Variants in PAPPA2 observed in about 807,000 individuals in gnomAD.
PAPPA2 encodes the protein pappalysin 2, also known as pappalysin-2.
A neutral mutation model predicts 176.4 loss-of-function variants in PAPPA2; 86 were observed. The observed-to-expected ratio is 0.49, with a 90% CI of 0.41 to 0.58. The LOEUF (loss-of-function observed/expected upper bound fraction) is 0.58. Among genes scored for constraint, PAPPA2 ranks in the 20% least tolerant of loss-of-function variants. The probability of loss-of-function intolerance (pLI) is 0.00; values close to 1 mark genes in which losing one functional copy is unlikely to be tolerated. For missense variants in PAPPA2, 2,073 were observed against 2,256.9 expected (o/e 0.92, Z 1.65); for synonymous variants, 809 against 852.2 (o/e 0.95, Z 0.88).
intron 21 of PAPPA2, among the ~76,000 whole-genome samples, chr1:176,806,170 AG>A (rs1442911692): frequency 2.0e-5 from 3 of 152,146 alleles, no homozygotes; most frequent in Non-Finnish European, 4.4e-5. Context: ...TCTGAGCCTG[AG>A]CTGCCATTTC....
intron 1 of PAPPA2, among the ~76,000 whole-genome samples, chr1:176,544,521 G>C (rs1036858487): frequency 1.3e-5 from 2 of 152,154 alleles, no homozygotes; most frequent in Non-Finnish European, 2.9e-5. Flanking sequence ...AATCCCGACT[G>C]TTTTTCTTTA....
intron 4 of PAPPA2, among the ~76,000 whole-genome samples, chr1:176,689,681 T>C (rs1660011760): frequency 6.6e-6 from 1 of 152,166 alleles, no homozygotes; most frequent in Non-Finnish European, 1.5e-5. Context: ...TTAGATCAGA[T>C]TTCCTTGACT....
chr1:176,484,274 C>A (rs1037177404), intron 1 of PAPPA2, among the ~76,000 whole-genome samples: 19 of 152,156 alleles, frequency 1.2e-4, no homozygotes, highest in Non-Finnish European at 1.5e-5. Flanking sequence ...CAGGACTTTT[C>A]TTTGCCTTTG....
At chr1:176,675,885 A>G (rs1409431862) in intron 4 of PAPPA2, among the ~76,000 whole-genome samples, 1 of 151,722 alleles carries the variant, frequency 6.6e-6, no homozygotes, top group Non-Finnish European at 1.5e-5. Flanking sequence ...TCAACAGTAA[A>G]ACAAACAAAA....
At chr1:176,502,124 A>C (rs1414109976) in intron 1 of PAPPA2, among the ~76,000 whole-genome samples, 1 of 152,198 alleles carries the variant, frequency 6.6e-6, no homozygotes, top group Non-Finnish European at 1.5e-5. Flanking sequence ...CAAATCTTGC[A>C]AGTTTTGTCA....
chr1:176,542,228 AT>A (rs1650401502), intron 1 of PAPPA2, among the ~76,000 whole-genome samples: 1 of 152,274 alleles, frequency 6.6e-6, no homozygotes, highest in East Asian at 1.9e-4. Flanking sequence ...TAAAAATGGG[AT>A]TTCTGAGACT....
rs555210291 is a variant in PAPPA2 at position 176,759,853 on chromosome 1, T to C, written c.4152-5813T>C. 9.2e-5 allele frequency among the ~76,000 whole-genome samples: 14 copies of C among 152,306 alleles called. 1 individual carries two copies. Among genetic ancestry groups the C allele is most frequent in the South Asian group, 8.3e-4 (4 of 4,824 alleles). ...ACCTTACCCTGTTCCTCACTAACCA[T>C]TGAAAGATGCAGGAAGACTTTGGGA... On this transcript the variant is annotated intron_variant, in intron 14 of 22. Transcript: ENST00000367662.
intron 3 of PAPPA2, among the ~76,000 whole-genome samples, chr1:176,666,611 G>GAA (rs1400850703): frequency 1.4e-5 from 2 of 145,706 alleles, no homozygotes; most frequent in African/African-American, 5.2e-5. Context: ...GTGTGTGTGA[G>GAA]AGAGAGAGAG....
intron 12 of PAPPA2, among the ~76,000 whole-genome samples, chr1:176,737,178 G>A (rs369880075): frequency 1.3e-5 from 2 of 151,562 alleles, no homozygotes; most frequent in South Asian, 2.1e-4. Context: ...TCAAGCTGTC[G>A]GTAACATCTC....
chr1:176,493,516 C>T (rs1381059610), intron 1 of PAPPA2, among the ~76,000 whole-genome samples: 6 of 152,134 alleles, frequency 3.9e-5, no homozygotes, highest in South Asian at 2.1e-4. Flanking sequence ...ACAGACCTCA[C>T]CCCCAGTCAC....
rs148548264 is a variant in PAPPA2 at position 176,556,181 on chromosome 1, T to C, written c.-142T>C. ...CCAGCAGAGGCATTCTTGGGGCTATTTGAAAAAGTTTGGTCTGTGAACAAA... is the reference window on the plus strand; with the variant it reads ...CCAGCAGAGGCATTCTTGGGGCTATCTGAAAAAGTTTGGTCTGTGAACAAA... On this transcript the variant is annotated 5_prime_UTR_variant, in exon 2 of 23. Transcript: ENST00000367662. The C allele has an allele frequency of 1.6e-5, 16 of 994,634 alleles. No individual in the cohort carries two copies. The highest frequency in any genetic ancestry group is 1.1e-4 in the African/African-American group (7 of 61,924). 61.6% of individuals were successfully genotyped at this position (994,634 alleles called of 1,614,324 possible).
rs1558528203 is a variant in PAPPA2 at position 176,699,584 on chromosome 1, G to A, written c.3231G>A (p.Thr1077=). The change falls in exon 8 of 23, where the codon ACG becomes ACA. Residue 1077 remains threonine (T), a synonymous_variant. Coordinates refer to ENST00000367662, the MANE Select transcript of PAPPA2 (RefSeq NM_020318.3). ...VVVTHSHRKF[T]DVEVTPGQMY... Reference sequence around the variant, plus strand: ...TGACACATTCTCACAGGAAGTTCACGGACGTGTGAGTTTGGTAGCATGACT... The same window carrying A: ...TGACACATTCTCACAGGAAGTTCACAGACGTGTGAGTTTGGTAGCATGACT... 3 of 1,598,454 alleles carry A rather than the reference G, an allele frequency of 1.9e-6. No homozygotes were observed. Among genetic ancestry groups the A allele is most frequent in the Non-Finnish European group, 8.6e-7 (1 of 1,168,482 alleles).
At chr1:176,730,467 T>G (rs1662086648) in intron 12 of PAPPA2, among the ~76,000 whole-genome samples, 1 of 152,090 alleles carries the variant, frequency 6.6e-6, no homozygotes, top group Non-Finnish European at 1.5e-5. Flanking sequence ...TCCTTTCTTG[T>G]GTATATTTTT....
intron 2 of PAPPA2, among the ~76,000 whole-genome samples, chr1:176,562,550 T>C (rs1169522427): frequency 6.6e-6 from 1 of 152,212 alleles, no homozygotes; most frequent in Non-Finnish European, 1.5e-5. Context: ...GTGTTTGTCC[T>C]CCAAGAATCC....
At chr1:176,547,519 G>T (rs577933995) in intron 1 of PAPPA2, among the ~76,000 whole-genome samples, 2 of 152,154 alleles carry the variant, frequency 1.3e-5, no homozygotes, top group South Asian at 4.1e-4. Context: ...ACTTACTTTG[G>T]CCAATAGAAA....
chr1:176,699,690 G>A, intron 8 of PAPPA2, 101 bp downstream of exon 8: 2 of 1,473,780 alleles, frequency 1.4e-6, no homozygotes, highest in East Asian at 4.6e-5. Flanking sequence ...CTTAGTCGGA[G>A]GAATGTTTAG....
intron 2 of PAPPA2, among the ~76,000 whole-genome samples, chr1:176,572,920 A>C (rs1266298774): frequency 6.6e-6 from 1 of 152,220 alleles, no homozygotes; most frequent in Non-Finnish European, 1.5e-5. Context: ...GGGTAGTATT[A>C]ATTCTATAAA....
chr1:176,685,414 A>C (rs950732819), intron 4 of PAPPA2, among the ~76,000 whole-genome samples: 3 of 152,170 alleles, frequency 2.0e-5, no homozygotes, highest in Non-Finnish European at 4.4e-5. Context: ...GCCTCTCCAA[A>C]GGCTACCTTG....
intron 22 of PAPPA2, among the ~76,000 whole-genome samples, chr1:176,842,038 G>A (rs1378022696): frequency 6.6e-6 from 1 of 152,164 alleles, no homozygotes; most frequent in Non-Finnish European, 1.5e-5. Context: ...TTTTAGATAT[G>A]AGTGGTAATA....
Sources: allele counts gnomAD v4.1 joint callset (sites outside exome capture counted in the v4.1 genomes callset), GRCh38; gene constraint gnomAD v4.1.1; transcripts MANE v1.5; gene names NCBI Gene and HGNC (gene_info 2026-07-23, HGNC 2026-07-21).